Variants in DENND2B observed in about 807,000 individuals in gnomAD.
The protein encoded by DENND2B is DENN domain containing 2B.
In DENND2B, 32 loss-of-function variants were observed where a neutral mutation model predicts 116.0. The ratio of observed to expected loss-of-function variants is 0.28; its 90% CI spans 0.21 to 0.37. DENND2B has a LOEUF of 0.37. Among genes scored for constraint, DENND2B ranks in the 10% least tolerant of loss-of-function variants. The pLI is 1.00. For synonymous variants in DENND2B, 588 were observed against 583.9 expected, an observed-to-expected ratio of 1.01 and a Z score of -0.10; for missense variants, 1,276 against 1,477.7, an observed-to-expected ratio of 0.86 and a Z score of 2.24.
intron 1 of DENND2B, among the ~76,000 whole-genome samples, chr11:8,881,860 G>T (rs2063907315): frequency 6.6e-6 from 1 of 152,128 alleles, no homozygotes. Context: ...TGTTCTTGTT[G>T]TTCCTTTTCT....
chr11:8,902,089 A>T (rs1159259803), intron 1 of DENND2B, among the ~76,000 whole-genome samples: 2 of 152,020 alleles, frequency 1.3e-5, no homozygotes, highest in East Asian at 3.9e-4. Flanking sequence ...GCATTTTGGG[A>T]GGCTGAGGTG....
At chr11:8,714,864 G>A in intron 6 of DENND2B, 158 bp from the exon 7 acceptor site, 1 of 613,264 alleles carries the variant, frequency 1.6e-6, no homozygotes, top group Non-Finnish European at 2.9e-6. Flanking sequence ...CCGACCTCAA[G>A]TGGTGACTCA....
exon 2 of DENND2B, chr11:8,871,060 A>C (rs921674772): frequency 4.6e-5 from 7 of 152,084 alleles, no homozygotes; most frequent in African/African-American, 1.7e-4. Flanking sequence ...GGCGGCGGGC[A>C]GGCATCCGCG....
chr11:8,701,614 G>A (rs2041693493), intron 14 of DENND2B, among the ~76,000 whole-genome samples: 1 of 151,824 alleles, frequency 6.6e-6, no homozygotes. Flanking sequence ...ATCTAAACCA[G>A]CATAAGAACC....
At chr11:8,768,312 A>G (rs566741265) in intron 1 of DENND2B, among the ~76,000 whole-genome samples, 2 of 152,280 alleles carry the variant, frequency 1.3e-5, no homozygotes, top group African/African-American at 4.8e-5. Context: ...ACAGTGATAT[A>G]GTAATAGCTC....
intron 4 of DENND2B, among the ~76,000 whole-genome samples, chr11:8,821,073 T>C (rs1594102471): frequency 6.6e-6 from 1 of 150,744 alleles, no homozygotes; most frequent in East Asian, 1.9e-4. Context: ...TGAGCTGAGA[T>C]CGTGTTACTG....
At chr11:8,766,511 C>T (rs191642375) in intron 1 of DENND2B, 14 of 880,396 alleles carry the variant, frequency 1.6e-5, no homozygotes, top group Non-Finnish European at 2.0e-5. Context: ...TGGGCAATGT[C>T]CACAAGCCAA....
chr11:8,845,892 G>A (rs1183714964), intron 3 of DENND2B, among the ~76,000 whole-genome samples: 2 of 151,974 alleles, frequency 1.3e-5, no homozygotes, highest in Admixed American at 6.6e-5. Flanking sequence ...CAGCCTAAAT[G>A]TGCTCAATAA....
intron 14 of DENND2B, among the ~76,000 whole-genome samples, chr11:8,701,696 CACT>C (rs934121354): frequency 6.6e-6 from 1 of 152,126 alleles, no homozygotes; most frequent in Non-Finnish European, 1.5e-5. Context: ...CCCTAACCAC[CACT>C]GACATAAAAC....
chr11:8,872,496 A>AG (rs976762779), upstream of DENND2B, among the ~76,000 whole-genome samples: 4 of 151,798 alleles, frequency 2.6e-5, no homozygotes, highest in Non-Finnish European at 5.9e-5. Context: ...AAAAAAAAAA[A>AG]AAAAAAGAAA....
intron 4 of DENND2B, among the ~76,000 whole-genome samples, chr11:8,829,791 G>A (rs1359870178): frequency 2.0e-5 from 3 of 152,004 alleles, no homozygotes; most frequent in East Asian, 1.9e-4. Flanking sequence ...TTCCCCTTTC[G>A]TCCCCAATCT....
intron 1 of DENND2B, among the ~76,000 whole-genome samples, chr11:8,753,440 T>C (rs909533565): frequency 4.6e-5 from 7 of 152,174 alleles, no homozygotes; most frequent in African/African-American, 1.7e-4. Context: ...AGACATACCA[T>C]ATTCATGGAT....
At chr11:8,790,904 A>C (rs1593742228) in intron 1 of DENND2B, among the ~76,000 whole-genome samples, 4 of 152,232 alleles carry the variant, frequency 2.6e-5, no homozygotes, top group Admixed American at 2.0e-4. Flanking sequence ...TTGGAAAAAC[A>C]ACCCCAGGTT....
chr11:8,906,306 C>T lies in DENND2B; in HGVS notation c.-256+4515G>A, dbSNP rs1589895714. 2.7e-5 allele frequency among the ~76,000 whole-genome samples: 4 copies of T among 148,652 alleles called. No homozygotes were observed. In the South Asian group the frequency reaches 8.5e-4, roughly 32 times the overall value. The stretch of plus-strand genomic sequence containing the variant: ...CTGCAAGCTCTGCCTCTCAGGTTCA[C>T]GCCGTTCTCCTGCCTCAGCCTCCCC... On this transcript the variant is annotated intron_variant, in intron 1 of 22. Coordinates refer to the DENND2B transcript ENST00000534127.
At chr11:8,819,691 T>C (rs1257028970) in intron 4 of DENND2B, among the ~76,000 whole-genome samples, 1 of 152,200 alleles carries the variant, frequency 6.6e-6, no homozygotes, top group Non-Finnish European at 1.5e-5. Context: ...AGGGATATTC[T>C]ACAAAATACC....
At chr11:8,755,868 A>G (rs2053521667) in intron 1 of DENND2B, among the ~76,000 whole-genome samples, 1 of 152,214 alleles carries the variant, frequency 6.6e-6, no homozygotes, top group Non-Finnish European at 1.5e-5. Flanking sequence ...TCTTGCCCCC[A>G]GGGCATCTAC....
chr11:8,887,314 C>A (rs1379605269), intron 1 of DENND2B, among the ~76,000 whole-genome samples: 1 of 152,150 alleles, frequency 6.6e-6, no homozygotes, highest in African/African-American at 2.4e-5. Flanking sequence ...GCAGGTTAAA[C>A]AATTTGGTTG....
Position 8,702,697 on chromosome 11 carries a change from C to G in DENND2B, c.2595G>C (p.Met865Ile). 1.2e-6 allele frequency: 2 copies of G among 1,613,702 alleles called. No homozygotes were observed. The highest frequency in any genetic ancestry group is 1.7e-6 in the Non-Finnish European group (2 of 1,179,974). Residue 865 changes from methionine to isoleucine, a missense_variant, in exon 14 of 20, where the codon ATG becomes ATC. Physicochemically the swap from Met to Ile is conservative, Grantham distance 10. Around this residue, in one of 2 missense-constraint regions of DENND2B, gnomAD observed 420 missense variants for 631.1 expected, o/e 0.67. Coordinates refer to ENST00000313726, the MANE Select transcript of DENND2B (RefSeq NM_213618.2). The surrounding 1 kb of genome is among the most constrained non-coding windows in gnomAD (Gnocchi z 4.6). Reference protein sequence around the residue: ...GNEVLELRRPMDSRLEHVDFE... With the variant: ...GNEVLELRRPIDSRLEHVDFE... ...AGTCCACGTGCTCCAGCCTTGAGTC[C>G]ATGGGCCGCCGCAGCTCTAACACCT...
chr11:8,903,474 TAAAAAAA>T (rs35974143), intron 1 of DENND2B, among the ~76,000 whole-genome samples: 1 of 116,274 alleles, frequency 8.6e-6, no homozygotes, highest in Non-Finnish European at 1.7e-5. Flanking sequence ...ACCAAGATGT[TAAAAAAA>T]AAAAAAAAAA....
Sources: gnomAD v4.1 joint callset for allele counts (sites outside exome capture counted in the v4.1 genomes callset) on GRCh38, gnomAD v4.1.1 for gene constraint, gnomAD v4.1.1 regional missense constraint, Gnocchi (gnomAD v3.1) non-coding constraint, MANE v1.5 for transcripts, NCBI Gene and HGNC (gene_info 2026-07-23, HGNC 2026-07-21) for gene names.